The following HS6ST3 variants were observed in gnomAD, a reference collection of about 807,000 sequenced individuals.
HS6ST3 encodes the protein heparan-sulfate 6-O-sulfotransferase 3.
HS6ST3 carries 12 observed loss-of-function variants against 36.7 expected under a neutral mutation model. The ratio of observed to expected loss-of-function variants is 0.33; its 90% CI spans 0.21 to 0.53. HS6ST3 has a LOEUF of 0.53. HS6ST3 is among the 20% of genes least tolerant of loss of function. The pLI, the probability that HS6ST3 is intolerant of heterozygous loss-of-function variation, is 0.95. For missense variants in HS6ST3, 584 were observed against 640.9 expected, an observed-to-expected ratio of 0.91 and a Z score of 0.96; for synonymous variants, 240 against 257.5, an observed-to-expected ratio of 0.93 and a Z score of 0.65.
At chr13:96,647,685 G>T (rs547437001) in intron 1 of HS6ST3, among the ~76,000 whole-genome samples, 3 of 152,100 alleles carry the variant, frequency 2.0e-5, no homozygotes, top group African/African-American at 7.2e-5. Flanking sequence ...TTCTTACAAA[G>T]TTGAAACTGA....
intron 1 of HS6ST3, among the ~76,000 whole-genome samples, chr13:96,393,316 G>A (rs145826502): frequency 6.6e-6 from 1 of 152,226 alleles, no homozygotes; most frequent in East Asian, 1.9e-4. Flanking sequence ...GGAGCAGCCC[G>A]GAGGAGACCT....
chr13:96,763,605 A>G (rs1877022485), intron 1 of HS6ST3, among the ~76,000 whole-genome samples: 2 of 152,008 alleles, frequency 1.3e-5, no homozygotes, highest in South Asian at 2.1e-4. Context: ...ATGAGGCAGC[A>G]TTACCTAACT....
chr13:96,156,876 T>C (rs1437318099), intron 1 of HS6ST3, among the ~76,000 whole-genome samples: 1 of 152,192 alleles, frequency 6.6e-6, no homozygotes, highest in Non-Finnish European at 1.5e-5. Flanking sequence ...AGTATAGGAT[T>C]GACATTCTCT....
chr13:96,498,974 G>T (rs1333881449), intron 1 of HS6ST3, among the ~76,000 whole-genome samples: 1 of 151,674 alleles, frequency 6.6e-6, no homozygotes, highest in African/African-American at 2.4e-5. Flanking sequence ...CTATCATTCA[G>T]GTCAGTATGC....
intron 1 of HS6ST3, among the ~76,000 whole-genome samples, chr13:96,481,233 C>T (rs2055888696): frequency 6.6e-6 from 1 of 152,136 alleles, no homozygotes; most frequent in South Asian, 2.1e-4. Flanking sequence ...ACCTAGGATT[C>T]TTGTCAAGGC....
chr13:96,590,149 T>TAA (rs151100036), intron 1 of HS6ST3, among the ~76,000 whole-genome samples: 2,508 of 152,260 alleles, frequency 0.016, 54 homozygotes, highest in African/African-American at 0.045. Flanking sequence ...ACAATAAACA[T>TAA]GAGTGCAAAT....
chr13:96,394,728 G>A (rs2389668), intron 1 of HS6ST3, among the ~76,000 whole-genome samples: 125,633 of 152,096 alleles, frequency 0.83, 52,243 homozygotes, highest in Non-Finnish European at 0.87. Flanking sequence ...TTCGTACCCA[G>A]TTCTTATGGT....
At chr13:96,726,364 G>T (rs1010831915) in intron 1 of HS6ST3, among the ~76,000 whole-genome samples, 1 of 152,068 alleles carries the variant, frequency 6.6e-6, no homozygotes, top group Non-Finnish European at 1.5e-5. Context: ...TATGGATATG[G>T]TATAATTTCC....
intron 1 of HS6ST3, among the ~76,000 whole-genome samples, chr13:96,210,692 C>G (rs909756288): frequency 6.6e-6 from 1 of 151,004 alleles, no homozygotes; most frequent in African/African-American, 2.4e-5. Context: ...TTCCTGGGTT[C>G]AAGTGATTCC....
intron 1 of HS6ST3, among the ~76,000 whole-genome samples, chr13:96,386,966 T>G (rs1174120453): frequency 1.3e-5 from 2 of 152,168 alleles, no homozygotes; most frequent in Non-Finnish European, 2.9e-5. Flanking sequence ...TCTTATTCTG[T>G]TGTCCAGGCT....
intron 1 of HS6ST3, among the ~76,000 whole-genome samples, chr13:96,676,259 T>G (rs562466182): frequency 6.6e-6 from 1 of 152,162 alleles, no homozygotes; most frequent in Middle Eastern, 3.4e-3. Flanking sequence ...TCCCTATATC[T>G]TCACATGGGG....
intron 1 of HS6ST3, among the ~76,000 whole-genome samples, chr13:96,311,560 T>C (rs1279439743): frequency 6.6e-6 from 1 of 152,120 alleles, no homozygotes; most frequent in Non-Finnish European, 1.5e-5. Flanking sequence ...TTAAAGCAGG[T>C]TAAAATGAAT....
chr13:96,583,079 C>A (rs1455424750), intron 1 of HS6ST3, among the ~76,000 whole-genome samples: 1 of 151,980 alleles, frequency 6.6e-6, no homozygotes, highest in Non-Finnish European at 1.5e-5. Context: ...TTACTTGCCC[C>A]TTTGTTTTCA....
At chr13:96,231,806 G>A (rs2054509680) in intron 1 of HS6ST3, among the ~76,000 whole-genome samples, 1 of 152,174 alleles carries the variant, frequency 6.6e-6, no homozygotes, top group Admixed American at 6.5e-5. Context: ...GTGAAGGGTG[G>A]GGTTAGATGA....
chr13:96,248,481 C>CAT (rs1374376662), intron 1 of HS6ST3, among the ~76,000 whole-genome samples: 1 of 152,160 alleles, frequency 6.6e-6, no homozygotes. Flanking sequence ...ATTCCTTGCA[C>CAT]ATATAAAAGG....
chr13:96,721,023 C>T (rs530503046), intron 1 of HS6ST3, among the ~76,000 whole-genome samples: 53 of 152,266 alleles, frequency 3.5e-4, no homozygotes, highest in African/African-American at 8.7e-4. Flanking sequence ...GAAAGACTTA[C>T]GTGAGCAGAT....
At chr13:96,565,039 G>A (rs2056275910) in intron 1 of HS6ST3, among the ~76,000 whole-genome samples, 2 of 152,038 alleles carry the variant, frequency 1.3e-5, no homozygotes, top group South Asian at 4.1e-4. Flanking sequence ...ATGTGAGAGT[G>A]AGGAAGATCT....
chr13:96,828,473 T>C (rs1466031813), intron 1 of HS6ST3, among the ~76,000 whole-genome samples: 1 of 152,174 alleles, frequency 6.6e-6, no homozygotes, highest in African/African-American at 2.4e-5. Context: ...GGTTGAGTTT[T>C]TCCTACAAAA....
intron 1 of HS6ST3, among the ~76,000 whole-genome samples, chr13:96,159,053 ATAT>A (rs1312203048): frequency 6.6e-6 from 1 of 152,196 alleles, no homozygotes; most frequent in Non-Finnish European, 1.5e-5. Flanking sequence ...GACCCCCTGA[ATAT>A]GTTTGTGTGC....
Sources: allele counts gnomAD v4.1 joint callset (sites outside exome capture counted in the v4.1 genomes callset), GRCh38; gene constraint gnomAD v4.1.1; transcripts MANE v1.5; gene names NCBI Gene and HGNC (gene_info 2026-07-23, HGNC 2026-07-21).